SOX6: variants seen among roughly 807,000 people sequenced by gnomAD.
SOX6 encodes the protein SRY-box transcription factor 6.
In SOX6, 11 loss-of-function variants were observed where a neutral mutation model predicts 97.8. That is an observed-to-expected ratio of 0.11 (90% CI 0.07 to 0.19). SOX6 has a LOEUF of 0.19. Ranked by LOEUF, SOX6 falls within the 10% of genes least tolerant of loss-of-function variation. The pLI is 1.00. For missense variants in SOX6, 810 were observed against 1,039.5 expected, an observed-to-expected ratio of 0.78 and a Z score of 3.04; for synonymous variants, 360 against 371.4, an observed-to-expected ratio of 0.97 and a Z score of 0.35.
rs185285076 is a variant in SOX6 at position 16,372,242 on chromosome 11, A to G, written c.-4-30990T>C. ...TAACTCAAGATGACCAGAATAAATAAAACAGGACCTAAGAAAAGCAAGTTA... is the reference window on the plus strand; with the variant it reads ...TAACTCAAGATGACCAGAATAAATAGAACAGGACCTAAGAAAAGCAAGTTA... On this transcript the variant is annotated intron_variant, in intron 1 of 15. Transcript: ENST00000396356. 3.9e-5 allele frequency among the ~76,000 whole-genome samples: 6 copies of G among 152,238 alleles called. No individual in the cohort carries two copies. In the East Asian group the frequency reaches 1.2e-3, roughly 29 times the overall value.
intron 4 of SOX6, among the ~76,000 whole-genome samples, chr11:16,545,917 A>G (rs1847615725): frequency 6.6e-6 from 1 of 152,054 alleles, no homozygotes; most frequent in African/African-American, 2.4e-5. Flanking sequence ...ATGCCATCGC[A>G]CTCCAGCTTG....
rs535491617 is a variant in SOX6 at position 16,371,938 on chromosome 11, A to G, written c.-4-30686T>C. On this transcript the variant is annotated intron_variant, in intron 1 of 15. Transcript: ENST00000396356. The stretch of plus-strand genomic sequence containing the variant: ...AATACATTTAAAGAACTTTAGCACA[A>G]TGGCTGGGTCATAGATAATACTCAG... Among the ~76,000 whole-genome samples the G allele has an allele frequency of 5.3e-5, 8 of 152,184 alleles. No homozygotes were observed. In the East Asian group the frequency reaches 1.5e-3, roughly 29 times the overall value.
intron 1 of SOX6, among the ~76,000 whole-genome samples, chr11:16,439,269 C>G (rs1465707386): frequency 1.3e-5 from 2 of 152,086 alleles, no homozygotes; most frequent in Non-Finnish European, 2.9e-5. Context: ...AAACAGAGAG[C>G]CTTAATTACA....
chr11:16,485,071 T>C (rs1199966990), intron 4 of SOX6, among the ~76,000 whole-genome samples: 1 of 152,176 alleles, frequency 6.6e-6, no homozygotes, highest in African/African-American at 2.4e-5. Flanking sequence ...AAGACATTTC[T>C]GGGTCAAGAG....
chr11:16,667,587 T>C (rs1228000020), intron 3 of SOX6, among the ~76,000 whole-genome samples: 1 of 150,262 alleles, frequency 6.7e-6, no homozygotes, highest in East Asian at 1.9e-4. Flanking sequence ...GTGTATCCAG[T>C]GAAAATATCC....
intron 7 of SOX6, among the ~76,000 whole-genome samples, chr11:16,106,025 T>C (rs1364249643): frequency 1.3e-5 from 2 of 152,108 alleles, no homozygotes; most frequent in African/African-American, 2.4e-5. Context: ...TGTTGAAAAC[T>C]ATAAAACGTT....
At chr11:15,999,980 T>C (rs765153419) in intron 13 of SOX6, among the ~76,000 whole-genome samples, 4 of 152,192 alleles carry the variant, frequency 2.6e-5, no homozygotes, top group Admixed American at 6.5e-5. Context: ...AAGAGAGTAC[T>C]AATACTACAC....
rs1348376714 is a variant in SOX6, at chr11:16,055,746, GT to G, written c.1251+5del. The G allele has an allele frequency of 5.0e-6, 8 of 1,613,422 alleles. No individual in the cohort carries two copies. The highest frequency in any genetic ancestry group is 6.8e-6 in the Non-Finnish European group (8 of 1,179,710). Reference sequence around the variant, plus strand: ...CTGTTTCCACAATGCTGCAAGGCGAGTGTACCTTAACTTGAGTTACAGGGCT... The same window carrying G: ...CTGTTTCCACAATGCTGCAAGGCGAGGTACCTTAACTTGAGTTACAGGGCT... On this transcript the variant is annotated splice_donor_5th_base_variant and intron_variant, in intron 10 of 15. Coordinates refer to ENST00000683767, the MANE Select transcript of SOX6 (RefSeq NM_001367873.1).
At chr11:16,546,431 T>C (rs1015698834) in intron 4 of SOX6, among the ~76,000 whole-genome samples, 1 of 151,976 alleles carries the variant, frequency 6.6e-6, no homozygotes, top group Non-Finnish European at 1.5e-5. Flanking sequence ...CATGGAACAA[T>C]ACAGAGAACC....
intron 9 of SOX6, among the ~76,000 whole-genome samples, chr11:16,085,651 C>T (rs1400715693): frequency 6.6e-6 from 1 of 152,082 alleles, no homozygotes; most frequent in Non-Finnish European, 1.5e-5. Context: ...CCTTAGAATA[C>T]GAGAGGTTAA....
chr11:16,644,587 G>A (rs1848983157), intron 3 of SOX6, among the ~76,000 whole-genome samples: 1 of 151,962 alleles, frequency 6.6e-6, no homozygotes, highest in African/African-American at 2.4e-5. Context: ...GGTTATTGGG[G>A]GGGTAGAGAT....
At chr11:16,406,001 T>A (rs1303665055) in intron 1 of SOX6, among the ~76,000 whole-genome samples, 1 of 152,056 alleles carries the variant, frequency 6.6e-6, no homozygotes, top group Non-Finnish European at 1.5e-5. Flanking sequence ...ATTACTTGCC[T>A]ACTTGTAGGT....
intron 14 of SOX6, among the ~76,000 whole-genome samples, chr11:15,988,100 T>A (rs1853925758): frequency 6.6e-6 from 1 of 152,202 alleles, no homozygotes; most frequent in African/African-American, 2.4e-5. Context: ...ACAGTTTAAG[T>A]CTCTAATGTT....
At chr11:16,333,571 C>T (rs532242399) in intron 2 of SOX6, among the ~76,000 whole-genome samples, 1 of 151,920 alleles carries the variant, frequency 6.6e-6, no homozygotes, top group Non-Finnish European at 1.5e-5. Context: ...CATTGATTAA[C>T]CCTGACCAAC....
upstream of SOX6, among the ~76,000 whole-genome samples, chr11:16,476,914 G>C (rs1860262439): frequency 6.6e-6 from 1 of 152,156 alleles, no homozygotes; most frequent in Non-Finnish European, 1.5e-5. Flanking sequence ...ATCCAAAATT[G>C]TTTTGCTCAC....
chr11:16,528,506 C>A (rs117022302), intron 4 of SOX6, among the ~76,000 whole-genome samples: 1 of 152,238 alleles, frequency 6.6e-6, no homozygotes, highest in East Asian at 1.9e-4. Flanking sequence ...CACATTCACA[C>A]TCAGTTTTTC....
chr11:16,067,330 G>T (rs1000915447), intron 9 of SOX6, among the ~76,000 whole-genome samples: 30 of 152,146 alleles, frequency 2.0e-4, no homozygotes, highest in African/African-American at 6.8e-4. Context: ...TGTTGTGGAG[G>T]GACCCAGTGA....
chr11:16,521,578 T>A (rs976250798), intron 4 of SOX6, among the ~76,000 whole-genome samples: 6 of 152,204 alleles, frequency 3.9e-5, no homozygotes, highest in Non-Finnish European at 7.3e-5. Context: ...AGAGCGCCTC[T>A]TCTCCTCCAA....
rs140523885 is a variant in SOX6 at position 16,391,457 on chromosome 11, A to G, written c.-4-50205T>C. 4.2e-3 allele frequency among the ~76,000 whole-genome samples: 646 copies of G among 152,292 alleles called. 5 individuals are homozygous for G. Among genetic ancestry groups the G allele is most frequent in the Middle Eastern group, 0.014 (4 of 292 alleles). ...TCTGTCTTGCTGACAAATTTGTAAG[A>G]TTCTTGCAAGAATCATATCTTTTTC... On this transcript the variant is annotated intron_variant, in intron 1 of 15. Transcript: ENST00000396356.
Sources: gnomAD v4.1 joint callset for allele counts (sites outside exome capture counted in the v4.1 genomes callset) on GRCh38, gnomAD v4.1.1 for gene constraint, MANE v1.5 for transcripts, NCBI Gene and HGNC (gene_info 2026-07-23, HGNC 2026-07-21) for gene names.